Variants in KLF11 observed in about 807,000 individuals in gnomAD.
KLF11 encodes the protein Krueppel-like factor 11.
In KLF11, 26 loss-of-function variants were observed where a neutral mutation model predicts 29.9. The ratio of observed to expected loss-of-function variants is 0.87; its 90% confidence interval spans 0.64 to 1.21. The LOEUF (loss-of-function observed/expected upper bound fraction) is 1.21. KLF11 is among the 50% of genes most tolerant of loss of function. The probability of loss-of-function intolerance (pLI) is 0.00; values close to 1 mark genes in which losing one functional copy is unlikely to be tolerated. For missense variants in KLF11, 778 were observed against 665.7 expected, an observed-to-expected ratio of 1.17 and a Z score of -1.86; for synonymous variants, 318 against 257.4, an observed-to-expected ratio of 1.24 and a Z score of -2.25.
rs1476969926 is a variant in KLF11, at chr2:10,053,019, A to G, written c.*512A>G. ...AGTAAACTGGACATGTTATTCCACT[A>G]CAAAAACCACAAGTTATCTGGCCTT... On this transcript the variant is annotated 3_prime_UTR_variant, in exon 4 of 4. Transcript: ENST00000305883. 2.6e-6 allele frequency: 1 copy of G among 385,160 alleles called. No individual in the cohort carries two copies. The highest frequency in any genetic ancestry group is 4.6e-6 in the Non-Finnish European group (1 of 218,608). The allele number at this position is 385,160 out of a possible 1,614,324, so 23.9% of individuals were successfully genotyped here.
rs1661057313 is a variant in KLF11 at position 10,043,581 on chromosome 2, C to G, written c.-136C>G. ...AGGGCCGCGCCGGGGCAGAGCCGCG[C>G]GGGCGGGCGAGGCGCGTGCCGGCCG... On this transcript the variant is annotated 5_prime_UTR_variant, in exon 1 of 4. Coordinates refer to ENST00000305883, the MANE Select transcript of KLF11 (RefSeq NM_003597.5). The G allele has an allele frequency of 4.3e-6, 2 of 461,640 alleles. No individual in the cohort carries two copies. Among genetic ancestry groups the G allele is most frequent in the South Asian group, 1.8e-4 (2 of 11,326 alleles). The allele number at this position is 461,640 out of a possible 1,614,324, so 28.6% of individuals were successfully genotyped here.
At position 10,048,092 on chromosome 2, in the gene KLF11, G is replaced by T. The variant is rs1439756988; in HGVS notation, c.755G>T (p.Trp252Leu). 2.5e-6 allele frequency: 4 copies of T among 1,614,180 alleles called. No individual in the cohort carries two copies. In the South Asian group the frequency reaches 3.3e-5, roughly 13 times the overall value. Reference protein sequence around the residue: ...LLTDKGQQAGWPGAVQTCSPK... With the variant: ...LLTDKGQQAGLPGAVQTCSPK... Reference sequence around the variant, plus strand: ...ACTGACAAAGGCCAGCAGGCAGGGTGGCCTGGTGCAGTTCAGACTTGCTCA... The same window carrying T: ...ACTGACAAAGGCCAGCAGGCAGGGTTGCCTGGTGCAGTTCAGACTTGCTCA... The change falls in exon 3 of 4, where the codon TGG (tryptophan) becomes TTG (leucine). Residue 252 changes from tryptophan to leucine, a missense_variant. Trp to Leu is a moderately conservative substitution (Grantham distance 61). Coordinates refer to ENST00000305883, the MANE Select transcript of KLF11 (RefSeq NM_003597.5).
In KLF11 at chr2:10,047,788, G is replaced by C. The variant is rs147735654; in HGVS notation, c.451G>C (p.Gly151Arg). ...TGCCGTAGTGGCCAGAGCTCTGAGC[G>C]GGGGCGCGGAGAGGGGCTTGCTGGG... ...SSAVVARALSGGAERGLLGLE... is the reference protein window; with the variant it reads ...SSAVVARALSRGAERGLLGLE... The change falls in exon 3 of 4, where the codon GGG (glycine) becomes CGG (arginine). Residue 151 changes from glycine (G) to arginine (R), a missense_variant. Physicochemically the swap from Gly to Arg is moderately radical, Grantham distance 125 (BLOSUM62 -2). Coordinates refer to ENST00000305883, the MANE Select transcript of KLF11 (RefSeq NM_003597.5). 1.2e-5 allele frequency: 19 copies of C among 1,613,462 alleles called. No homozygotes were observed. The highest frequency in any genetic ancestry group is 1.7e-5 in the Admixed American group (1 of 60,010).
intron 3 of KLF11, among the ~76,000 whole-genome samples, chr2:10,049,785 C>G (rs948300473): frequency 6.6e-6 from 1 of 152,114 alleles, no homozygotes; most frequent in Non-Finnish European, 1.5e-5. Flanking sequence ...TGGATATATT[C>G]CTGGTGCTTG....
Position 10,046,192 on chromosome 2 carries a change from C to A in KLF11, c.85C>A (p.Arg29=). The change falls in exon 2 of 4, where the codon CGG becomes AGG. Residue 29 remains arginine (R), a synonymous_variant. Coordinates refer to ENST00000305883, the MANE Select transcript of KLF11 (RefSeq NM_003597.5). ...ATGTGAGTCCATCCTGGAGAGGAAGCGGCATGACAGCGAAAGGTCTACTTG... is the reference window on the plus strand; with the variant it reads ...ATGTGAGTCCATCCTGGAGAGGAAGAGGCATGACAGCGAAAGGTCTACTTG... ...DICESILERK[R]HDSERSTCSI... 1 of 1,614,128 alleles carries A rather than the reference C, an allele frequency of 6.2e-7. No individual in the cohort carries two copies. The highest frequency in any genetic ancestry group is 8.5e-7 in the Non-Finnish European group (1 of 1,180,026).
Position 10,046,429 on chromosome 2 carries a change from G to GAGCGTTTTT in KLF11, c.312+10_312+11insAGCGTTTTT, listed in dbSNP as rs1661205894. On this transcript the variant is annotated intron_variant, in intron 2 of 3. Coordinates refer to ENST00000305883, the MANE Select transcript of KLF11 (RefSeq NM_003597.5). ...TTCTTTATCGACTCTGGTAAGAGGA[G>GAGCGTTTTT]GTGGGAGGGAGGAGCGTTTTTGTGA... 6.2e-7 allele frequency: 1 copy of GAGCGTTTTT among 1,613,282 alleles called. No homozygotes were observed. Among genetic ancestry groups the GAGCGTTTTT allele is most frequent in the Non-Finnish European group, 8.5e-7 (1 of 1,180,044 alleles).
rs978256771 is a variant in KLF11 at position 10,047,864 on chromosome 2, T to C, written c.527T>C (p.Ile176Thr). The C allele has an allele frequency of 6.2e-7, 1 of 1,613,750 alleles. No homozygotes were observed. Among genetic ancestry groups the C allele is most frequent in the African/African-American group, 1.3e-5 (1 of 74,934 alleles). ...SPCRAKGTSV[I>T]RHTGESPAAC... ...TGCAGGGCCAAGGGGACTAGCGTGA[T>C]CCGACACACTGGGGAGAGCCCTGCT... The change falls in exon 3 of 4, where the codon ATC becomes ACC. Residue 176 changes from isoleucine (I) to threonine (T), a missense_variant. By Grantham distance (89) the Ile-to-Thr change is moderately conservative. Coordinates refer to ENST00000305883, the MANE Select transcript of KLF11 (RefSeq NM_003597.5).
chr2:10,049,419 C>T (rs761473591), intron 3 of KLF11, among the ~76,000 whole-genome samples: 16 of 152,222 alleles, frequency 1.1e-4, no homozygotes, highest in Non-Finnish European at 2.2e-4. Context: ...TTGCTCTGAT[C>T]GTGGTAGCCT....
rs1661505043 is a variant in KLF11 at position 10,054,766 on chromosome 2, T to C, written c.*2259T>C. ...TAATTATGTTTTATGTAACAGACTT[T>C]GACATTATTTAAACGAGCATGTGTA... On this transcript the variant is annotated 3_prime_UTR_variant, in exon 4 of 4. Coordinates refer to ENST00000305883, the MANE Select transcript of KLF11 (RefSeq NM_003597.5). 1 of 152,656 alleles carries C rather than the reference T, an allele frequency of 6.6e-6. No individual in the cohort carries two copies. Among genetic ancestry groups the C allele is most frequent in the Non-Finnish European group, 1.5e-5 (1 of 68,052 alleles). 9.5% of individuals were successfully genotyped at this position (152,656 alleles called of 1,614,324 possible). A position where few individuals can be genotyped will look rare whatever the true frequency, so the allele number is the denominator to read the frequency against.
Position 10,047,905 on chromosome 2 carries a change from ATCCAGAC to A in KLF11, c.575_581del (p.Thr192IlefsTer82). On this transcript the variant is annotated frameshift_variant, in exon 3 of 4. Transcript: ENST00000305883. LOFTEE classifies it high-confidence loss of function. ...GAGCCCTGCTGCCTGCTTTCCCACC[ATCCAGAC>A]TCCAGATTGCCGGCTTTCTGACAGC... 1 of 1,613,804 alleles carries A rather than the reference ATCCAGAC, an allele frequency of 6.2e-7. No individual in the cohort carries two copies. Among genetic ancestry groups the A allele is most frequent in the East Asian group, 2.2e-5 (1 of 44,874 alleles).
rs11687357 is a variant in KLF11, at chr2:10,048,522, A to T, written c.1185A>T (p.Val395=). 0.81 allele frequency: 1,308,474 copies of T among 1,612,800 alleles called. 531,892 individuals carry two copies. Among genetic ancestry groups the T allele is most frequent in the Admixed American group, 0.89 (53,456 of 60,014 alleles). Residue 395 remains valine (V), a synonymous_variant, in exon 3 of 4, where the codon GTA becomes GTT. Coordinates refer to ENST00000305883, the MANE Select transcript of KLF11 (RefSeq NM_003597.5). ...ACTTTTCCCGAAGGAGGAACTATGT[A>T]TGCAGCTTCCCAGGTTGCCGGAAGA... The part of the protein sequence containing the change: ...QVDFSRRRNY[V]CSFPGCRKTY...
At position 10,046,317 on chromosome 2, in the gene KLF11, A is replaced by AC; in HGVS notation, c.214dup (p.Leu72ProfsTer6). ...AGAAAGGTGACCTGTTGCGGATAAG[A>AC]CCCCTCACGCCTGTCTCTGACTCTG... On this transcript the variant is annotated frameshift_variant, in exon 2 of 4. Transcript: ENST00000305883. LOFTEE classifies it high-confidence loss of function. The AC allele has an allele frequency of 1.2e-6, 2 of 1,613,760 alleles. No individual in the cohort carries two copies. Among genetic ancestry groups the AC allele is most frequent in the Non-Finnish European group, 1.7e-6 (2 of 1,179,968 alleles).
In KLF11 at chr2:10,048,173, C is replaced by G. The variant is rs750289452; in HGVS notation, c.836C>G (p.Ser279Cys). Residue 279 changes from serine (S) to cysteine (C), a missense_variant, in exon 3 of 4, where the codon TCT becomes TGT. Transcript: ENST00000305883. ...AAAACCACCCCTCTGATTTCTGTCTCTGTCCCTGCTCCCCCTGTCCTTTGC... is the reference window on the plus strand; with the variant it reads ...AAAACCACCCCTCTGATTTCTGTCTGTGTCCCTGCTCCCCCTGTCCTTTGC... ...PRKTTPLISV[S>C]VPAPPVLCQM... The G allele has an allele frequency of 1.2e-6, 2 of 1,614,106 alleles. No individual in the cohort carries two copies. The highest frequency in any genetic ancestry group is 2.7e-5 in the African/African-American group (2 of 74,946).
chr2:10,043,821 G>A, intron 1 of KLF11, 63 bp downstream of exon 1: 1 of 1,308,670 alleles, frequency 7.6e-7, no homozygotes, highest in Non-Finnish European at 9.9e-7. Context: ...CGGGGGAAGT[G>A]GTGCGGCACT....
intron 3 of KLF11, among the ~76,000 whole-genome samples, chr2:10,049,112 A>T (rs898506878): frequency 6.6e-6 from 1 of 152,174 alleles, no homozygotes; most frequent in Non-Finnish European, 1.5e-5. Flanking sequence ...ACAAGAAACT[A>T]TGCTGACCTA....
chr2:10,043,861 G>T (rs1448614455), intron 1 of KLF11, 103 bp downstream of exon 1: 5 of 1,172,584 alleles, frequency 4.3e-6, no homozygotes, highest in Non-Finnish European at 5.4e-6. Flanking sequence ...GAGGTGGGGC[G>T]TGCAGGGCTT....
At chr2:10,047,041 A>G (rs1438282436) in intron 2 of KLF11, among the ~76,000 whole-genome samples, 1 of 152,192 alleles carries the variant, frequency 6.6e-6, no homozygotes, top group Non-Finnish European at 1.5e-5. Flanking sequence ...TAGGTTCTCC[A>G]GCCTAGTGTC....
rs368207952 is a variant in KLF11, at chr2:10,048,148, A to C, written c.811A>C (p.Lys271Gln). Residue 271 changes from lysine (K) to glutamine (Q), a missense_variant, in exon 3 of 4, where the codon AAA (lysine) becomes CAA (glutamine). Coordinates refer to ENST00000305883, the MANE Select transcript of KLF11 (RefSeq NM_003597.5). ...PKNYENDLPR[K>Q]TTPLISVSVP... ...GAATTATGAAAATGACCTGCCCAGG[A>C]AAACCACCCCTCTGATTTCTGTCTC... is the stretch of plus-strand genomic sequence containing the variant. The C allele has an allele frequency of 9.3e-5, 150 of 1,614,078 alleles. No individual in the cohort carries two copies. The highest frequency in any genetic ancestry group is 1.1e-4 in the Non-Finnish European group (127 of 1,180,024).
In KLF11 at chr2:10,048,095, C is replaced by G. The variant is rs1378544812; in HGVS notation, c.758C>G (p.Pro253Arg). 5.6e-6 allele frequency: 9 copies of G among 1,614,124 alleles called. No individual in the cohort carries two copies. The Admixed American group carries it at 1.2e-4, about 21-fold the overall frequency. Residue 253 changes from proline to arginine, a missense_variant, in exon 3 of 4, where the codon CCT (proline) becomes CGT (arginine). Physicochemically the swap from Pro to Arg is moderately radical, Grantham distance 103. Coordinates refer to ENST00000305883, the MANE Select transcript of KLF11 (RefSeq NM_003597.5). ...LTDKGQQAGWPGAVQTCSPKN... is the reference protein window; with the variant it reads ...LTDKGQQAGWRGAVQTCSPKN... ...GACAAAGGCCAGCAGGCAGGGTGGC[C>G]TGGTGCAGTTCAGACTTGCTCACCA... is the stretch of plus-strand genomic sequence containing the variant.
Sources: gnomAD v4.1 joint callset for allele counts (sites outside exome capture counted in the v4.1 genomes callset) on GRCh38, gnomAD v4.1.1 for gene constraint, MANE v1.5 for transcripts, NCBI Gene and HGNC (gene_info 2026-07-23, HGNC 2026-07-21) for gene names.